LYSMD4: variants seen among roughly 807,000 people sequenced by gnomAD.
The protein encoded by LYSMD4 is LysM domain containing 4.
Under a neutral mutation model 6.1 loss-of-function variants are expected in LYSMD4, and 9 were observed. That is an observed-to-expected ratio of 1.47 (90% confidence interval 0.88 to 2.56). The LOEUF (loss-of-function observed/expected upper bound fraction) is 2.56, where lower values mean the gene tolerates loss of function less well. Ranked by LOEUF, LYSMD4 falls within the 30% of genes most tolerant of loss-of-function variation. The pLI, the probability that LYSMD4 is intolerant of heterozygous loss-of-function variation, is 0.00. For missense variants in LYSMD4, 384 were observed against 373.5 expected (o/e 1.03, Z -0.23); for synonymous variants, 143 against 148.5 (o/e 0.96, Z 0.27).
At position 99,728,993 on chromosome 15, in the gene LYSMD4, G is replaced by A. The variant is rs999748996; in HGVS notation, c.*130C>T. On this transcript the variant is annotated 3_prime_UTR_variant, in exon 3 of 3. Transcript: ENST00000684762. ...CAGGGCCAGTGCAATTGGGAATACTGCAGTGACTTCTGAAAAGTGTCCATC... is the reference window on the plus strand; with the variant it reads ...CAGGGCCAGTGCAATTGGGAATACTACAGTGACTTCTGAAAAGTGTCCATC... The A allele has an allele frequency of 3.1e-6, 4 of 1,280,950 alleles. No homozygotes were observed. In the African/African-American group the frequency reaches 5.9e-5, roughly 19 times the overall value. 79.3% of individuals were successfully genotyped at this position (1,280,950 alleles called of 1,614,324 possible).
intron 2 of LYSMD4, chr15:99,731,325 G>C: frequency 1.9e-6 from 3 of 1,606,044 alleles, no homozygotes; most frequent in Non-Finnish European, 2.5e-6. Context: ...GAAAGGTTCA[G>C]AAAAATAAGA....
chr15:99,731,796 T>A lies in LYSMD4; in HGVS notation c.204A>T (p.Ala68=), dbSNP rs2059421477. 1 of 1,612,216 alleles carries A rather than the reference T, an allele frequency of 6.2e-7. No homozygotes were observed. Among genetic ancestry groups the A allele is most frequent in the Non-Finnish European group, 8.5e-7 (1 of 1,179,892 alleles). The change falls in exon 2 of 3, where the codon GCA becomes GCT. Residue 68 remains alanine, a synonymous_variant. Transcript: ENST00000684762. ...CCCGCTGCAGCAGCACCACGTCACC[T>A]GCTCCCGCCTGGGGAGGCTGGTGGA... ...SGVHQPPQAG[A]GDVVLLQREL... is the part of the protein sequence containing the mutation.
At chr15:99,715,994 C>A (rs1169758834) in exon 1 of LYSMD4, 1 of 153,416 alleles carries the variant, frequency 6.5e-6, no homozygotes, top group Non-Finnish European at 1.5e-5. Context: ...AACATAATTT[C>A]TGTATTAACC....
At chr15:99,731,580 G>C in intron 2 of LYSMD4, 138 bp downstream of exon 2, 2 of 1,526,296 alleles carry the variant, frequency 1.3e-6, no homozygotes, top group Non-Finnish European at 8.7e-7. Flanking sequence ...GGCTAAATAG[G>C]GGAGTCCTTG....
Position 99,729,540 on chromosome 15 carries a change from G to A in LYSMD4, c.474C>T (p.Gly158=). ...ELPEADRAGA[G]TGAQAGQLMG... ...TCAGTTGGCCGGCCTGGGCACCGGTGCCCGCGCCTGCTCTGTCTGCCTCTG... is the reference window on the plus strand; with the variant it reads ...TCAGTTGGCCGGCCTGGGCACCGGTACCCGCGCCTGCTCTGTCTGCCTCTG... Residue 158 remains glycine, a synonymous_variant, in exon 3 of 3, where the codon GGC becomes GGT. Coordinates refer to ENST00000684762, the MANE Select transcript of LYSMD4 (RefSeq NM_001284417.2). 6.2e-7 allele frequency: 1 copy of A among 1,614,090 alleles called. No individual in the cohort carries two copies. Among genetic ancestry groups the A allele is most frequent in the African/African-American group, 1.3e-5 (1 of 75,040 alleles).
At chr15:99,721,541 T>C (rs1356878624), upstream of LYSMD4, among the ~76,000 whole-genome samples, 2 of 152,200 alleles carry the variant, frequency 1.3e-5, no homozygotes, top group Admixed American at 1.3e-4. Context: ...GCATGGAATT[T>C]AGTGGACTCC....
exon 1 of LYSMD4, chr15:99,716,816 T>C (rs1273889594): frequency 2.6e-6 from 1 of 387,210 alleles, no homozygotes; most frequent in Non-Finnish European, 5.2e-6. Context: ...CAGTAACTGC[T>C]TCTCACAGGA....
rs1315872617 is a variant in LYSMD4 at position 99,729,469 on chromosome 15, T to C, written c.545A>G (p.Gln182Arg). The part of the protein sequence containing the change: ...GIDQDIERAV[Q>R]SEIFLHESYC... ...ACTTTCATGTAGAAAGATTTCTGACTGCACTGCACGCTCAATATCCTGGTC... is the reference window on the plus strand; with the variant it reads ...ACTTTCATGTAGAAAGATTTCTGACCGCACTGCACGCTCAATATCCTGGTC... The change falls in exon 3 of 3, where the codon CAG becomes CGG. Residue 182 changes from glutamine to arginine, a missense_variant. Gln to Arg is a conservative substitution (Grantham distance 43). Coordinates refer to ENST00000684762, the MANE Select transcript of LYSMD4 (RefSeq NM_001284417.2). 2 of 1,614,188 alleles carry C rather than the reference T, an allele frequency of 1.2e-6. No individual in the cohort carries two copies. Among genetic ancestry groups the C allele is most frequent in the South Asian group, 2.2e-5 (2 of 91,090 alleles).
At chr15:99,723,149 AT>A (rs963907181), downstream of LYSMD4, among the ~76,000 whole-genome samples, 3 of 152,192 alleles carry the variant, frequency 2.0e-5, no homozygotes, top group Non-Finnish European at 4.4e-5. Flanking sequence ...CAATAAAAAA[AT>A]GAATAAAATA....
chr15:99,722,971 C>T (rs910712402), downstream of LYSMD4, among the ~76,000 whole-genome samples: 19 of 151,856 alleles, frequency 1.3e-4, no homozygotes, highest in Admixed American at 1.1e-3. Context: ...GCGGAGGTTG[C>T]AATGAGCCAA....
In LYSMD4 at chr15:99,729,471, C is replaced by T; in HGVS notation, c.543G>A (p.Val181=). 6.2e-7 allele frequency: 1 copy of T among 1,614,168 alleles called. No individual in the cohort carries two copies. The highest frequency in any genetic ancestry group is 1.1e-5 in the South Asian group (1 of 91,084). ...KGIDQDIERA[V]QSEIFLHESY... ...TTTCATGTAGAAAGATTTCTGACTG[C>T]ACTGCACGCTCAATATCCTGGTCAA... The change falls in exon 3 of 3, where the codon GTG becomes GTA. Residue 181 remains valine (V), a synonymous_variant. Coordinates refer to ENST00000684762, the MANE Select transcript of LYSMD4 (RefSeq NM_001284417.2).
At chr15:99,719,922 G>A (rs564990093), upstream of LYSMD4, among the ~76,000 whole-genome samples, 20 of 152,230 alleles carry the variant, frequency 1.3e-4, no homozygotes, top group African/African-American at 4.3e-4. Context: ...TCTCTATTAT[G>A]AGTGAGATTG....
chr15:99,724,313 T>C (rs2123926), downstream of LYSMD4, among the ~76,000 whole-genome samples: 28,909 of 152,052 alleles, frequency 0.19, 3,440 homozygotes, highest in East Asian at 0.31. Flanking sequence ...CAGGCTGGAG[T>C]GCAGCAACAC....
In LYSMD4 at chr15:99,729,079, A is replaced by AGTG; in HGVS notation, c.*43_*44insCAC. 3 of 1,602,072 alleles carry AGTG rather than the reference A, an allele frequency of 1.9e-6. No individual in the cohort carries two copies. The highest frequency in any genetic ancestry group is 2.6e-6 in the Non-Finnish European group (3 of 1,171,412). On this transcript the variant is annotated 3_prime_UTR_variant, in exon 3 of 3. Coordinates refer to ENST00000684762, the MANE Select transcript of LYSMD4 (RefSeq NM_001284417.2). ...TCGCCAGTGACAGCTGAGGCACATC[A>AGTG]ACAGCCAATTGCTAAAGCTGGGCCT...
At chr15:99,726,590 A>C (rs2059285055), downstream of LYSMD4, among the ~76,000 whole-genome samples, 1 of 150,950 alleles carries the variant, frequency 6.6e-6, no homozygotes, top group Non-Finnish European at 1.5e-5. Context: ...CACCTTCCTC[A>C]CCTCTGCTGG....
chr15:99,729,337 A>G lies in LYSMD4; in HGVS notation c.677T>C (p.Leu226Pro). 6.2e-7 allele frequency: 1 copy of G among 1,614,268 alleles called. No homozygotes were observed. The highest frequency in any genetic ancestry group is 8.5e-7 in the Non-Finnish European group (1 of 1,180,048). ...GACAGGCAAGACAATACCAATCAGC[A>G]GCATGATGAAAACAGCATTCCACCA... is the stretch of plus-strand genomic sequence containing the variant. ...IQWWNAVFIM[L>P]LIGIVLPVFY... The change falls in exon 3 of 3, where the codon CTG becomes CCG. Residue 226 changes from leucine to proline, a missense_variant. Leu to Pro is a moderately conservative substitution (Grantham distance 98). Coordinates refer to ENST00000684762, the MANE Select transcript of LYSMD4 (RefSeq NM_001284417.2).
chr15:99,733,258 C>T (rs990836645), intron 1 of LYSMD4, 87 bp downstream of exon 1: 3 of 383,136 alleles, frequency 7.8e-6, no homozygotes, highest in Non-Finnish European at 1.4e-5. Context: ...CGCCCGCGAA[C>T]CCTCGAGCGA....
chr15:99,729,569 G>GT lies in LYSMD4; in HGVS notation c.444dup (p.Leu149ThrfsTer23). ...GCGCCTGCTCTGTCTGCCTCTGGCA[G>GT]TTCCACGGTCACTGTGGTCTCGGAA... On this transcript the variant is annotated frameshift_variant, in exon 3 of 3. Coordinates refer to ENST00000684762, the MANE Select transcript of LYSMD4 (RefSeq NM_001284417.2). LOFTEE classifies it low-confidence loss of function (END_TRUNC). The GT allele has an allele frequency of 6.2e-7, 1 of 1,614,186 alleles. No homozygotes were observed. The highest frequency in any genetic ancestry group is 2.2e-5 in the East Asian group (1 of 44,884).
At chr15:99,726,290 C>T (rs1416764130), downstream of LYSMD4, among the ~76,000 whole-genome samples, 1 of 151,840 alleles carries the variant, frequency 6.6e-6, no homozygotes, top group Non-Finnish European at 1.5e-5. Context: ...ACTACAGGCC[C>T]ACATCACCAG....
Sources: allele counts gnomAD v4.1 joint callset (sites outside exome capture counted in the v4.1 genomes callset), GRCh38; gene constraint gnomAD v4.1.1; transcripts MANE v1.5; gene names NCBI Gene and HGNC (gene_info 2026-07-23, HGNC 2026-07-21).